ATP2B2: variants seen among roughly 807,000 people sequenced by gnomAD.
ATP2B2 encodes plasma membrane calcium-transporting ATPase 2.
A neutral mutation model predicts 120.0 loss-of-function variants in ATP2B2; 15 were observed. That is an observed-to-expected ratio of 0.12 (90% CI 0.08 to 0.19). The LOEUF is 0.19. Ranked by LOEUF, ATP2B2 falls within the 10% of genes least tolerant of loss-of-function variation. The pLI, the probability that ATP2B2 is intolerant of heterozygous loss-of-function variation, is 1.00. For synonymous variants in ATP2B2, 694 were observed against 700.3 expected (o/e 0.99, Z 0.14); for missense variants, 1,045 against 1,719.8 (o/e 0.61, Z 6.94).
chr3:10,507,496 C>T (rs996031842), upstream of ATP2B2, among the ~76,000 whole-genome samples: 6 of 152,254 alleles, frequency 3.9e-5, no homozygotes, highest in Middle Eastern at 3.4e-3. Context: ...AAAGCTGTTC[C>T]GAGATGTTGG....
chr3:10,403,613 C>A (rs573048388), intron 3 of ATP2B2, among the ~76,000 whole-genome samples: 7 of 152,168 alleles, frequency 4.6e-5, no homozygotes, highest in Admixed American at 2.0e-4. Flanking sequence ...ACCTGGGGAG[C>A]GGCCATTTCC....
At chr3:10,463,637 T>A (rs1053203039) in intron 1 of ATP2B2, among the ~76,000 whole-genome samples, 2 of 152,232 alleles carry the variant, frequency 1.3e-5, no homozygotes, top group African/African-American at 2.4e-5. Flanking sequence ...GCCCCTGCTC[T>A]GGATCACAGT....
At chr3:10,403,393 A>G (rs2062295479) in intron 3 of ATP2B2, among the ~76,000 whole-genome samples, 1 of 152,240 alleles carries the variant, frequency 6.6e-6, no homozygotes, top group Admixed American at 6.5e-5. Context: ...GAGGTCTGCC[A>G]GGCCCACGGG....
In ATP2B2 at chr3:10,402,457, A is replaced by G. The variant is rs956334548; in HGVS notation, c.398-109T>C. On this transcript the variant is annotated intron_variant, in intron 3 of 22. Coordinates refer to ENST00000360273, the MANE Select transcript of ATP2B2 (RefSeq NM_001001331.4). The surrounding 1 kb of genome is among the most constrained non-coding windows in gnomAD (Gnocchi z 4.9). ...CAAAGTAACAAGTGTTAAGAATCAGATGATAATTATCCACTTACTCAGTGT... is the reference window on the plus strand; with the variant it reads ...CAAAGTAACAAGTGTTAAGAATCAGGTGATAATTATCCACTTACTCAGTGT... 15 of 1,498,972 alleles carry G rather than the reference A, an allele frequency of 1.0e-5. No individual in the cohort carries two copies. The Admixed American group carries it at 2.0e-4, about 20-fold the overall frequency. 92.9% of individuals were successfully genotyped at this position (1,498,972 alleles called of 1,614,324 possible).
intron 2 of ATP2B2, among the ~76,000 whole-genome samples, chr3:10,593,367 G>A (rs1271636743): frequency 6.6e-6 from 1 of 152,172 alleles, no homozygotes; most frequent in Admixed American, 6.5e-5. Flanking sequence ...ATTTGAACTA[G>A]GTTTGAGGGA....
chr3:10,700,326 C>A (rs1193796571), intron 1 of ATP2B2, among the ~76,000 whole-genome samples: 1 of 152,168 alleles, frequency 6.6e-6, no homozygotes, highest in African/African-American at 2.4e-5. Flanking sequence ...CCCTCTCCCC[C>A]ACACGCTTGT....
intron 2 of ATP2B2, among the ~76,000 whole-genome samples, chr3:10,539,934 C>T (rs1159676202): frequency 6.6e-6 from 1 of 152,154 alleles, no homozygotes; most frequent in Non-Finnish European, 1.5e-5. Context: ...AACAGGCAAC[C>T]TACAGAATGG....
rs148089092 is a variant in ATP2B2 at position 10,659,505 on chromosome 3, T to C, written c.-459-39544A>G. ...GATCAAAAGAGACAAAGAAGGCCAT[T>C]ACATAATGGTAAAGGGATCAATTCA... On this transcript the variant is annotated intron_variant, in intron 1 of 21. Transcript: ENST00000646379. Among the ~76,000 whole-genome samples, 588 of 152,256 alleles carry C rather than the reference T, an allele frequency of 3.9e-3. 2 individuals are homozygous for C. The highest frequency in any genetic ancestry group is 0.013 in the African/African-American group (559 of 41,536).
chr3:10,451,434 T>C (rs1163189759), intron 1 of ATP2B2, among the ~76,000 whole-genome samples: 1 of 152,228 alleles, frequency 6.6e-6, no homozygotes, highest in Non-Finnish European at 1.5e-5. Context: ...TCTCTCTTCC[T>C]TACCCCTACC....
chr3:10,594,855 C>G (rs2068727871), intron 2 of ATP2B2, among the ~76,000 whole-genome samples: 2 of 152,120 alleles, frequency 1.3e-5, no homozygotes. Flanking sequence ...ATCATCACCC[C>G]CATTTTATAG....
chr3:10,601,403 C>T (rs905394190), intron 2 of ATP2B2, among the ~76,000 whole-genome samples: 3 of 152,134 alleles, frequency 2.0e-5, no homozygotes, highest in Non-Finnish European at 2.9e-5. Flanking sequence ...AGGAATAACA[C>T]GGGGAGGGAG....
chr3:10,610,495 A>G (rs554572003), intron 2 of ATP2B2, among the ~76,000 whole-genome samples: 1 of 152,172 alleles, frequency 6.6e-6, no homozygotes, highest in African/African-American at 2.4e-5. Flanking sequence ...ACTCACCCCA[A>G]GAATCTGCAA....
chr3:10,364,981 T>G (rs1014898737), intron 12 of ATP2B2, among the ~76,000 whole-genome samples: 2 of 152,174 alleles, frequency 1.3e-5, no homozygotes, highest in Non-Finnish European at 2.9e-5. Flanking sequence ...CGCTCACCAC[T>G]CTGCTGAGTT....
At position 10,342,179 on chromosome 3, in the gene ATP2B2, G is replaced by A. The variant is rs1230858754; in HGVS notation, c.2917+573C>T. On this transcript the variant is annotated intron_variant, in intron 19 of 22. Coordinates refer to ENST00000360273, the MANE Select transcript of ATP2B2 (RefSeq NM_001001331.4). This position sits in a 1 kb window ranked among gnomAD's most constrained non-coding sequence, Gnocchi z 4.4. ...GCCCAGACTCTTCCTCAGACTGGCTGTGTGCCCTTGGGCAAGTCACCTCAC... is the reference window on the plus strand; with the variant it reads ...GCCCAGACTCTTCCTCAGACTGGCTATGTGCCCTTGGGCAAGTCACCTCAC... 2.6e-5 allele frequency among the ~76,000 whole-genome samples: 4 copies of A among 152,264 alleles called. No individual in the cohort carries two copies. The highest frequency in any genetic ancestry group is 9.6e-5 in the African/African-American group (4 of 41,470).
At chr3:10,464,116 C>G (rs2064625345) in intron 1 of ATP2B2, among the ~76,000 whole-genome samples, 1 of 152,226 alleles carries the variant, frequency 6.6e-6, no homozygotes, top group Non-Finnish European at 1.5e-5. Context: ...CTCTGTAGCT[C>G]TTCCCCTGAC....
chr3:10,535,056 G>A (rs1357382395), intron 2 of ATP2B2, among the ~76,000 whole-genome samples: 1 of 151,634 alleles, frequency 6.6e-6, no homozygotes, highest in African/African-American at 2.4e-5. Context: ...GGCACATGCT[G>A]CCATGCCTGA....
At chr3:10,463,162 G>A (rs747326893) in intron 1 of ATP2B2, among the ~76,000 whole-genome samples, 21 of 152,002 alleles carry the variant, frequency 1.4e-4, no homozygotes, top group East Asian at 9.6e-4. Flanking sequence ...AGCCCGTCGC[G>A]TGTGGCTCAC....
At chr3:10,650,852 G>T (rs2070441340) in intron 1 of ATP2B2, among the ~76,000 whole-genome samples, 1 of 152,236 alleles carries the variant, frequency 6.6e-6, no homozygotes, top group African/African-American at 2.4e-5. Context: ...CAAAGCCACA[G>T]GGTTGAGCTT....
At chr3:10,420,924 G>T (rs893462899) in intron 2 of ATP2B2, among the ~76,000 whole-genome samples, 11 of 152,334 alleles carry the variant, frequency 7.2e-5, no homozygotes, top group African/African-American at 2.6e-4. Context: ...GGCATGGCCC[G>T]GACCTTGGGA....
Sources: allele counts gnomAD v4.1 joint callset (sites outside exome capture counted in the v4.1 genomes callset), GRCh38; gene constraint gnomAD v4.1.1; non-coding constraint Gnocchi (gnomAD v3.1); transcripts MANE v1.5; gene names NCBI Gene and HGNC (gene_info 2026-07-23, HGNC 2026-07-21).